The following TRPC5 variants were observed in gnomAD, a reference collection of about 807,000 sequenced individuals.
The protein encoded by TRPC5 is transient receptor potential cation channel subfamily C member 5.
TRPC5 carries 9 observed loss-of-function variants against 56.5 expected under a neutral mutation model. The ratio of observed to expected loss-of-function variants is 0.16; its 90% CI spans 0.10 to 0.28. The LOEUF is 0.28. Ranked by LOEUF, TRPC5 falls within the 10% of genes least tolerant of loss-of-function variation. The pLI, the probability that TRPC5 is intolerant of heterozygous loss-of-function variation, is 1.00. For missense variants in TRPC5, 469 were observed against 748.9 expected (o/e 0.63, Z 4.36); for synonymous variants, 282 against 278.5 (o/e 1.01, Z -0.13).
intron 3 of TRPC5, among the ~76,000 whole-genome samples, chrX:111,909,937 A>C (rs916662028): frequency 8.9e-6 from 1 of 112,021 alleles, no homozygotes; most frequent in Non-Finnish European, 1.9e-5. Context: ...ATTGGTTGTC[A>C]AATGCAACGG....
chrX:111,830,228 G>T (rs144607531), intron 7 of TRPC5, among the ~76,000 whole-genome samples: 6,426 of 112,143 alleles, frequency 0.057, 356 homozygotes, highest in African/African-American at 0.18. Context: ...AATTTGGAAT[G>T]GGTGTATTTA....
intron 1 of TRPC5, among the ~76,000 whole-genome samples, chrX:111,990,468 T>G (rs1928325183): frequency 1.8e-5 from 2 of 111,102 alleles, no homozygotes; most frequent in South Asian, 3.9e-4. Context: ...AGAAATTCAG[T>G]AGTGAAAGGT....
intron 2 of TRPC5, among the ~76,000 whole-genome samples, chrX:111,936,622 A>G (rs1299678795): frequency 2.0e-5 from 2 of 100,705 alleles, no homozygotes; most frequent in African/African-American, 7.3e-5. Flanking sequence ...GCGATAGTTT[A>G]CTGAGAATGA....
chrX:112,049,640 A>G (rs113047585), intron 1 of TRPC5, among the ~76,000 whole-genome samples: 1,654 of 109,164 alleles, frequency 0.015, 36 homozygotes, highest in African/African-American at 0.052. Flanking sequence ...AGTAGCTGAG[A>G]CTTAAAATAA....
chrX:111,770,497 A>G lies in TRPC5; in HGVS notation c.*5816T>C, dbSNP rs1173231266. ...AATGATGATGCTAATGTTTTAATTA[A>G]CCATTTTAAATTATATTTTTAATTC... On this transcript the variant is annotated 3_prime_UTR_variant, in exon 11 of 11. Coordinates refer to ENST00000262839, the MANE Select transcript of TRPC5 (RefSeq NM_012471.3). 8.9e-6 allele frequency among the ~76,000 whole-genome samples: 1 copy of G among 112,200 alleles called. No individual in the cohort carries two copies. The highest frequency in any genetic ancestry group is 1.9e-5 in the Non-Finnish European group (1 of 53,247).
At chrX:111,853,727 C>A in intron 4 of TRPC5, 43 bp downstream of exon 4, 1 of 1,159,695 alleles carries the variant, frequency 8.6e-7, no homozygotes, top group Non-Finnish European at 1.2e-6. Flanking sequence ...TTAAACAGGA[C>A]CATCAGGCAG....
intron 7 of TRPC5, among the ~76,000 whole-genome samples, chrX:111,829,215 T>A (rs769287463): frequency 4.8e-4 from 50 of 104,678 alleles, no homozygotes; most frequent in African/African-American, 1.6e-3. Flanking sequence ...GGTAGGAGAA[T>A]TGGTTGAACC....
At chrX:112,068,126 G>C (rs923607958) in intron 1 of TRPC5, among the ~76,000 whole-genome samples, 1 of 111,819 alleles carries the variant, frequency 8.9e-6, no homozygotes, top group African/African-American at 3.3e-5. Flanking sequence ...TGTCTGTCCT[G>C]CTCCTGCACT....
At position 111,770,697 on chromosome X, in the gene TRPC5, C is replaced by T. The variant is rs565202831; in HGVS notation, c.*5616G>A. ...CCAGCAAAAATCCAAAGCCTCCTTT[C>T]TTCCTTCCAAGGGTCAGCTTTAAGA... On this transcript the variant is annotated 3_prime_UTR_variant, in exon 11 of 11. Transcript: ENST00000262839. Among the ~76,000 whole-genome samples the T allele has an allele frequency of 1.8e-4, 20 of 111,662 alleles. No homozygotes were observed. Among genetic ancestry groups the T allele is most frequent in the African/African-American group, 6.5e-4 (20 of 30,803 alleles).
intron 3 of TRPC5, among the ~76,000 whole-genome samples, chrX:111,898,246 G>T (rs929362254): frequency 1.1e-5 from 1 of 87,094 alleles, no homozygotes; most frequent in Non-Finnish European, 2.1e-5. Context: ...GAGTTGTAGG[G>T]GTTCTTATAT....
intron 1 of TRPC5, among the ~76,000 whole-genome samples, chrX:111,981,417 G>A (rs777982164): frequency 1.5e-4 from 17 of 111,468 alleles, no homozygotes; most frequent in Admixed American, 1.1e-3. Context: ...GCTTTACTCA[G>A]TTTACCAATT....
intron 7 of TRPC5, among the ~76,000 whole-genome samples, chrX:111,789,619 A>T (rs1946001216): frequency 8.9e-6 from 1 of 112,266 alleles, no homozygotes; most frequent in African/African-American, 3.2e-5. Flanking sequence ...ACCATCAGAG[A>T]GAACAGGCAT....
Position 111,949,743 on chromosome X carries a change from C to G in TRPC5, c.378+2300G>C, listed in dbSNP as rs747421266. 1.0e-3 allele frequency among the ~76,000 whole-genome samples: 113 copies of G among 111,569 alleles called. 1 individual carries two copies. The highest frequency in any genetic ancestry group is 3.2e-3 in the African/African-American group (99 of 30,730). ...AACAGGGAACACTTCTATGCTGCTGCTGGGAATGTAAACTAGTACAACCAC... is the reference window on the plus strand; with the variant it reads ...AACAGGGAACACTTCTATGCTGCTGGTGGGAATGTAAACTAGTACAACCAC... On this transcript the variant is annotated intron_variant, in intron 2 of 10. Transcript: ENST00000262839.
At chrX:111,956,325 A>G (rs1415235504) in intron 1 of TRPC5, among the ~76,000 whole-genome samples, 3 of 111,807 alleles carry the variant, frequency 2.7e-5, no homozygotes, top group African/African-American at 9.7e-5. Context: ...ACCTCTCACA[A>G]TTTTCCAAAC....
Position 112,005,595 on chromosome X carries a change from G to A in TRPC5, c.-21-53154C>T, listed in dbSNP as rs751136983. Among the ~76,000 whole-genome samples, 89 of 110,859 alleles carry A rather than the reference G, an allele frequency of 8.0e-4. 1 individual carries two copies. Among genetic ancestry groups the A allele is most frequent in the Non-Finnish European group, 1.5e-3 (79 of 52,978 alleles). On this transcript the variant is annotated intron_variant, in intron 1 of 10. Coordinates refer to ENST00000262839, the MANE Select transcript of TRPC5 (RefSeq NM_012471.3). Reference sequence around the variant, plus strand: ...CTGCAGGTGACTCTAAAGTGCAGCCGGAGTTGAGGATCCCTGTTCTAAGAG... The same window carrying A: ...CTGCAGGTGACTCTAAAGTGCAGCCAGAGTTGAGGATCCCTGTTCTAAGAG...
chrX:111,786,015 C>A (rs2148551993), intron 7 of TRPC5, among the ~76,000 whole-genome samples: 1 of 111,693 alleles, frequency 9.0e-6, no homozygotes, highest in South Asian at 3.8e-4. Context: ...AGGAGAACTT[C>A]CCCAACTTAG....
intron 2 of TRPC5, among the ~76,000 whole-genome samples, chrX:111,923,903 A>G (rs1024023960): frequency 9.8e-5 from 11 of 112,444 alleles, no homozygotes; most frequent in African/African-American, 2.3e-4. Flanking sequence ...TTAGCTTTGT[A>G]GGTGGCCCTA....
At chrX:112,065,832 C>T (rs1017328931) in intron 1 of TRPC5, among the ~76,000 whole-genome samples, 10 of 109,799 alleles carry the variant, frequency 9.1e-5, no homozygotes, top group African/African-American at 3.0e-4. Flanking sequence ...GATGGCACCA[C>T]TGAATTCCAG....
intron 2 of TRPC5, among the ~76,000 whole-genome samples, chrX:111,944,303 T>TGTGTGTGTGTGAGAAA (rs1173179815): frequency 2.3e-4 from 14 of 61,365 alleles, no homozygotes; most frequent in African/African-American, 9.5e-4. Flanking sequence ...TGTGTGTGTG[T>TGTGTGTGTGTGAGAAA]GAGAGAGAGA....
Sources: gnomAD v4.1 joint callset for allele counts (sites outside exome capture counted in the v4.1 genomes callset) on GRCh38, gnomAD v4.1.1 for gene constraint, MANE v1.5 for transcripts, NCBI Gene and HGNC (gene_info 2026-07-23, HGNC 2026-07-21) for gene names.